EXOC4: variants seen among roughly 807,000 people sequenced by gnomAD.
EXOC4 encodes the protein SEC8-like 1.
In EXOC4, 71 loss-of-function variants were observed where a neutral mutation model predicts 107.2. The ratio of observed to expected loss-of-function variants is 0.66; its 90% CI spans 0.55 to 0.81. The LOEUF (loss-of-function observed/expected upper bound fraction) is 0.81. EXOC4 is among the 30% of genes least tolerant of loss of function. The pLI is 0.00. For missense variants in EXOC4, 1,108 were observed against 1,189.6 expected (o/e 0.93, Z 1.01); for synonymous variants, 456 against 441.2 (o/e 1.03, Z -0.42).
At chr7:133,504,699 G>T (rs1024737890) in intron 9 of EXOC4, among the ~76,000 whole-genome samples, 1 of 152,020 alleles carries the variant, frequency 6.6e-6, no homozygotes, top group African/African-American at 2.4e-5. Flanking sequence ...ATCGACTAAT[G>T]TATGTTTATA....
chr7:133,385,359 T>C (rs2150707508), intron 7 of EXOC4, among the ~76,000 whole-genome samples: 1 of 152,328 alleles, frequency 6.6e-6, no homozygotes, highest in Non-Finnish European at 1.5e-5. Context: ...AGTCAGACAC[T>C]GGCATGAAGT....
At chr7:133,991,054 G>A (rs1187937172) in intron 14 of EXOC4, among the ~76,000 whole-genome samples, 1 of 152,108 alleles carries the variant, frequency 6.6e-6, no homozygotes, top group Non-Finnish European at 1.5e-5. Context: ...CAATGTATGA[G>A]CATTCTTCCT....
chr7:133,453,673 G>A (rs1258901143), intron 7 of EXOC4, among the ~76,000 whole-genome samples: 1 of 151,750 alleles, frequency 6.6e-6, no homozygotes, highest in Non-Finnish European at 1.5e-5. Flanking sequence ...GTTTGCATAA[G>A]CTTATGCATA....
chr7:133,564,166 G>A (rs1051392107), intron 9 of EXOC4, among the ~76,000 whole-genome samples: 4 of 152,140 alleles, frequency 2.6e-5, no homozygotes, highest in Non-Finnish European at 4.4e-5. Flanking sequence ...ATTGGCTCAC[G>A]GTTCTGCAGG....
chr7:133,989,751 A>G (rs1297445396), intron 14 of EXOC4, among the ~76,000 whole-genome samples: 1 of 152,168 alleles, frequency 6.6e-6, no homozygotes, highest in Non-Finnish European at 1.5e-5. Flanking sequence ...CACACTGAAG[A>G]GTTAATAGGA....
chr7:133,542,854 T>G (rs1208917814), intron 9 of EXOC4, among the ~76,000 whole-genome samples: 1 of 152,200 alleles, frequency 6.6e-6, no homozygotes, highest in Non-Finnish European at 1.5e-5. Flanking sequence ...TTTTCTTCTA[T>G]GTATTCAGAA....
intron 9 of EXOC4, among the ~76,000 whole-genome samples, chr7:133,501,821 T>C (rs1799581066): frequency 6.6e-6 from 1 of 152,152 alleles, no homozygotes. Context: ...CTCACTTTTT[T>C]GGTTTGACAG....
rs1217865603 is a variant in EXOC4, at chr7:133,629,939, A to G, written c.1418-106A>G. Reference sequence around the variant, plus strand: ...ACATACCGAAGGTTACTGTTTGCAAAGATGGTCCTAATTATGACAGTATAG... The same window carrying G: ...ACATACCGAAGGTTACTGTTTGCAAGGATGGTCCTAATTATGACAGTATAG... On this transcript the variant is annotated intron_variant, in intron 9 of 17. Coordinates refer to ENST00000253861, the MANE Select transcript of EXOC4 (RefSeq NM_021807.4). 72 of 732,198 alleles carry G rather than the reference A, an allele frequency of 9.8e-5. 2 individuals carry two copies. The South Asian group carries it at 1.3e-3, about 13-fold the overall frequency. The allele number at this position is 732,198 out of a possible 1,614,324, so 45.4% of individuals were successfully genotyped here.
At chr7:133,345,406 A>T (rs1795761533) in intron 5 of EXOC4, among the ~76,000 whole-genome samples, 1 of 152,162 alleles carries the variant, frequency 6.6e-6, no homozygotes, top group Admixed American at 6.5e-5. Flanking sequence ...TTAATTAAAT[A>T]CTGCAACCTA....
chr7:133,981,866 A>G (rs930817347), intron 14 of EXOC4, among the ~76,000 whole-genome samples: 1 of 152,244 alleles, frequency 6.6e-6, no homozygotes, highest in African/African-American at 2.4e-5. Flanking sequence ...ATGCCCATCA[A>G]TGGCAGATTG....
At chr7:133,813,759 T>A (rs1797294313) in intron 10 of EXOC4, among the ~76,000 whole-genome samples, 1 of 152,216 alleles carries the variant, frequency 6.6e-6, no homozygotes, top group African/African-American at 2.4e-5. Context: ...GCCTCAATGC[T>A]CTTTCTTGTG....
chr7:133,416,422 C>G (rs1227745425), intron 7 of EXOC4, among the ~76,000 whole-genome samples: 1 of 152,156 alleles, frequency 6.6e-6, no homozygotes, highest in Non-Finnish European at 1.5e-5. Flanking sequence ...ATGTAATTTG[C>G]ATATAGGGTT....
intron 1 of EXOC4, among the ~76,000 whole-genome samples, chr7:133,257,415 G>A (rs919996892): frequency 1.3e-5 from 2 of 152,002 alleles, no homozygotes; most frequent in African/African-American, 4.8e-5. Flanking sequence ...CTACTTTTCT[G>A]TTGATTTCCT....
chr7:133,672,259 C>CG (rs1793963386), intron 10 of EXOC4, among the ~76,000 whole-genome samples: 1 of 151,646 alleles, frequency 6.6e-6, no homozygotes, highest in Non-Finnish European at 1.5e-5. Context: ...GGCGTGGTGG[C>CG]GGGCACCTGT....
chr7:133,285,474 T>G (rs976153518), intron 2 of EXOC4, among the ~76,000 whole-genome samples: 1 of 152,238 alleles, frequency 6.6e-6, no homozygotes, highest in Non-Finnish European at 1.5e-5. Context: ...CTCTTAAAAT[T>G]TTGAAGGTAT....
At chr7:133,408,558 G>A (rs558387109) in intron 7 of EXOC4, among the ~76,000 whole-genome samples, 55 of 151,994 alleles carry the variant, frequency 3.6e-4, no homozygotes, top group African/African-American at 1.3e-3. Context: ...TGGTGAAGAT[G>A]CTGATGGTAA....
intron 9 of EXOC4, among the ~76,000 whole-genome samples, chr7:133,498,506 A>G (rs1433957250): frequency 6.6e-6 from 1 of 152,136 alleles, no homozygotes; most frequent in Non-Finnish European, 1.5e-5. Context: ...AGTGGTGTGA[A>G]TCTGGGAGGT....
At chr7:133,604,702 C>CTTTTTTTTTTTTTTTTT (rs1801888688) in intron 9 of EXOC4, among the ~76,000 whole-genome samples, 1 of 113,124 alleles carries the variant, frequency 8.8e-6, no homozygotes, top group Non-Finnish European at 1.9e-5. Flanking sequence ...TTCCTTCCTT[C>CTTTTTTTTTTTTTTTTT]CTTCTTTCTT....
At chr7:133,959,742 A>G (rs142821846) in intron 14 of EXOC4, among the ~76,000 whole-genome samples, 7 of 152,250 alleles carry the variant, frequency 4.6e-5, no homozygotes, top group South Asian at 2.1e-4. Context: ...AAGTACATCT[A>G]GAAAAGAAGC....
Sources: allele counts gnomAD v4.1 joint callset (sites outside exome capture counted in the v4.1 genomes callset), GRCh38; gene constraint gnomAD v4.1.1; transcripts MANE v1.5; gene names NCBI Gene and HGNC (gene_info 2026-07-23, HGNC 2026-07-21).